RIMS2: variants seen among roughly 807,000 people sequenced by gnomAD.
The protein encoded by RIMS2 is regulating synaptic membrane exocytosis protein 2.
In RIMS2, 59 loss-of-function variants were observed where a neutral mutation model predicts 174.4. That is an observed-to-expected ratio of 0.34 (90% CI 0.27 to 0.42). RIMS2 has a LOEUF of 0.42. Ranked by LOEUF, RIMS2 falls within the 10% of genes least tolerant of loss-of-function variation. The pLI is 1.00. For synonymous variants in RIMS2, 606 were observed against 572.5 expected, an observed-to-expected ratio of 1.06 and a Z score of -0.84; for missense variants, 1,620 against 1,666.3, an observed-to-expected ratio of 0.97 and a Z score of 0.48.
intron 3 of RIMS2, among the ~76,000 whole-genome samples, chr8:103,818,562 T>C (rs1033937319): frequency 1.3e-5 from 2 of 152,148 alleles, no homozygotes; most frequent in Non-Finnish European, 2.9e-5. Context: ...TAGTAATAAT[T>C]GATAAAGTGT....
intron 3 of RIMS2, among the ~76,000 whole-genome samples, chr8:103,791,967 T>C (rs761416370): frequency 6.6e-6 from 1 of 152,090 alleles, no homozygotes; most frequent in Non-Finnish European, 1.5e-5. Flanking sequence ...CACACAATAA[T>C]AATGGGACAC....
At chr8:103,525,603 C>T (rs1359595077) in intron 1 of RIMS2, among the ~76,000 whole-genome samples, 1 of 152,024 alleles carries the variant, frequency 6.6e-6, no homozygotes, top group Non-Finnish European at 1.5e-5. Flanking sequence ...AGGACTAGTT[C>T]TCAAAGAAAA....
At chr8:103,738,465 G>A (rs991075548) in intron 2 of RIMS2, among the ~76,000 whole-genome samples, 4 of 152,118 alleles carry the variant, frequency 2.6e-5, no homozygotes, top group African/African-American at 9.7e-5. Context: ...TCAGGACACA[G>A]GCATGGACAA....
At chr8:103,912,560 G>A (rs2075877717) in intron 6 of RIMS2, among the ~76,000 whole-genome samples, 2 of 151,918 alleles carry the variant, frequency 1.3e-5, no homozygotes, top group African/African-American at 2.4e-5. Flanking sequence ...AATGTAATAT[G>A]TATATATATG....
intron 2 of RIMS2, among the ~76,000 whole-genome samples, chr8:103,718,650 C>G (rs546558897): frequency 1.1e-4 from 17 of 150,614 alleles, no homozygotes; most frequent in Non-Finnish European, 2.2e-4. Flanking sequence ...TGCTCAATGG[C>G]TCAACAACCT....
At chr8:104,036,576 A>G (rs1052210338) in intron 19 of RIMS2, among the ~76,000 whole-genome samples, 1 of 152,150 alleles carries the variant, frequency 6.6e-6, no homozygotes, top group African/African-American at 2.4e-5. Flanking sequence ...ATAGGAAGGC[A>G]TTTAAAAAAT....
chr8:103,527,068 CAG>C (rs1834401581), intron 1 of RIMS2, among the ~76,000 whole-genome samples: 1 of 152,104 alleles, frequency 6.6e-6, no homozygotes, highest in African/African-American at 2.4e-5. Context: ...TGATTCTCAA[CAG>C]AAACAATAAA....
chr8:103,628,742 A>G (rs1243698085), intron 1 of RIMS2, among the ~76,000 whole-genome samples: 2 of 137,692 alleles, frequency 1.5e-5, no homozygotes, highest in Non-Finnish European at 1.5e-5. Context: ...AGAAACATCA[A>G]CAGACCCATA....
chr8:103,706,938 GCC>G (rs2097238247), intron 2 of RIMS2, among the ~76,000 whole-genome samples: 2 of 151,926 alleles, frequency 1.3e-5, no homozygotes, highest in African/African-American at 4.8e-5. Context: ...TTCCCTTGTA[GCC>G]TGTTTTCTAG....
intron 1 of RIMS2, among the ~76,000 whole-genome samples, chr8:103,623,909 G>A (rs931630533): frequency 2.0e-5 from 3 of 151,726 alleles, no homozygotes; most frequent in Middle Eastern, 3.2e-3. Flanking sequence ...TTCAGCACAA[G>A]GGTACAAGAG....
At chr8:104,249,393 A>C in intron 21 of RIMS2, 94 bp from the exon 28 acceptor site, 1 of 595,954 alleles carries the variant, frequency 1.7e-6, no homozygotes, top group South Asian at 2.3e-5. Flanking sequence ...ATATATGGGA[A>C]ATGATGAAAC....
At chr8:103,965,726 G>A (rs983136513) in intron 15 of RIMS2, among the ~76,000 whole-genome samples, 1 of 152,056 alleles carries the variant, frequency 6.6e-6, no homozygotes, top group Non-Finnish European at 1.5e-5. Context: ...TCTGATCTCA[G>A]TGGGAAAGTT....
intron 3 of RIMS2, among the ~76,000 whole-genome samples, chr8:103,864,984 T>C (rs2099077676): frequency 6.6e-6 from 1 of 152,180 alleles, no homozygotes; most frequent in African/African-American, 2.4e-5. Context: ...AATGGATTGA[T>C]GCTAACCATA....
At chr8:103,790,980 A>C (rs568509205) in intron 3 of RIMS2, among the ~76,000 whole-genome samples, 8 of 152,350 alleles carry the variant, frequency 5.3e-5, no homozygotes, top group East Asian at 3.9e-4. Context: ...GAATGGAACC[A>C]AGTTGGAAAA....
At chr8:103,547,829 T>C (rs1174725709) in intron 1 of RIMS2, among the ~76,000 whole-genome samples, 1 of 152,078 alleles carries the variant, frequency 6.6e-6, no homozygotes, top group Non-Finnish European at 1.5e-5. Flanking sequence ...AAAGCACATA[T>C]TACCACTGAT....
At chr8:104,078,150 A>C (rs1445467600) in intron 19 of RIMS2, among the ~76,000 whole-genome samples, 1 of 143,056 alleles carries the variant, frequency 7.0e-6, no homozygotes, top group African/African-American at 2.7e-5. Context: ...AAAAACAAAC[A>C]AAAAAAACAA....
intron 19 of RIMS2, among the ~76,000 whole-genome samples, chr8:104,114,545 A>G (rs534433612): frequency 2.6e-5 from 4 of 152,012 alleles, no homozygotes; most frequent in Non-Finnish European, 4.4e-5. Flanking sequence ...AAATTATACT[A>G]TAAAGCATTT....
intron 1 of RIMS2, among the ~76,000 whole-genome samples, chr8:103,591,113 G>A (rs188702350): frequency 1.3e-5 from 2 of 150,984 alleles, no homozygotes; most frequent in Admixed American, 1.3e-4. Context: ...TTTATAATAT[G>A]TAGAGGTAGC....
chr8:103,610,772 A>G (rs2095340475), intron 1 of RIMS2, among the ~76,000 whole-genome samples: 1 of 152,110 alleles, frequency 6.6e-6, no homozygotes. Flanking sequence ...TACATCAAAG[A>G]TATTGGCTGG....
Sources: allele counts gnomAD v4.1 joint callset (sites outside exome capture counted in the v4.1 genomes callset), GRCh38; gene constraint gnomAD v4.1.1; transcripts MANE v1.5; gene names NCBI Gene and HGNC (gene_info 2026-07-23, HGNC 2026-07-21).